HMGCLL1: variants seen among roughly 807,000 people sequenced by gnomAD.
HMGCLL1 encodes 3-hydroxy-3-methylglutaryl-CoA lyase like 1.
In HMGCLL1, 36 loss-of-function variants were observed where a neutral mutation model predicts 39.1. That is an observed-to-expected ratio of 0.92 (90% CI 0.71 to 1.22). The LOEUF (loss-of-function observed/expected upper bound fraction) is 1.22. Among genes scored for constraint, HMGCLL1 ranks in the 50% most tolerant of loss-of-function variants. The probability of loss-of-function intolerance (pLI) is 0.00; values close to 1 mark genes in which losing one functional copy is unlikely to be tolerated. For missense variants in HMGCLL1, 451 were observed against 416.5 expected (o/e 1.08, Z -0.72); for synonymous variants, 149 against 144.0 (o/e 1.03, Z -0.25).
At chr6:55,565,936 C>T (rs1771190139) in intron 1 of HMGCLL1, among the ~76,000 whole-genome samples, 1 of 151,986 alleles carries the variant, frequency 6.6e-6, no homozygotes, top group Admixed American at 6.6e-5. Context: ...TTGACCAGGT[C>T]CACAGTTTTC....
intron 3 of HMGCLL1, among the ~76,000 whole-genome samples, chr6:55,528,042 T>C (rs1768416051): frequency 6.6e-6 from 1 of 152,056 alleles, no homozygotes; most frequent in Non-Finnish European, 1.5e-5. Context: ...TTTTCACTAA[T>C]ATAGATTGCT....
intron 7 of HMGCLL1, among the ~76,000 whole-genome samples, chr6:55,481,166 A>G (rs532144420): frequency 2.4e-4 from 36 of 152,182 alleles, no homozygotes; most frequent in Admixed American, 2.1e-3. Context: ...GGATTGCTTG[A>G]GCCCAGAAAT....
the HMGCLL1 span, among the ~76,000 whole-genome samples, chr6:55,640,637 TGC>T: frequency 1.3e-5 from 2 of 151,912 alleles, no homozygotes; most frequent in Non-Finnish European, 2.9e-5. Context: ...GCCCTTCAAA[TGC>T]ATTAGTGATA....
chr6:55,453,098 A>C (rs1159893235), intron 7 of HMGCLL1, among the ~76,000 whole-genome samples: 2 of 152,162 alleles, frequency 1.3e-5, no homozygotes, highest in African/African-American at 2.4e-5. Context: ...TACAGAGAAG[A>C]AGCAATGTGG....
At chr6:55,444,030 C>A (rs572615535) in intron 7 of HMGCLL1, among the ~76,000 whole-genome samples, 1 of 152,200 alleles carries the variant, frequency 6.6e-6, no homozygotes, top group East Asian at 1.9e-4. Flanking sequence ...TAATAAATTT[C>A]TTGAACTGAG....
the HMGCLL1 span, among the ~76,000 whole-genome samples, chr6:55,635,566 T>A: frequency 6.6e-6 from 1 of 152,198 alleles, no homozygotes; most frequent in African/African-American, 2.4e-5. Context: ...ATACTGTCTG[T>A]CCAAGGTGCA....
intron 5 of HMGCLL1, among the ~76,000 whole-genome samples, chr6:55,511,521 C>T (rs1767456729): frequency 1.7e-5 from 1 of 59,124 alleles, no homozygotes; most frequent in African/African-American, 6.6e-5. Context: ...TTTTAGTGTG[C>T]TTTTATAAAA....
chr6:55,543,516 A>T (rs1222531772), intron 1 of HMGCLL1, among the ~76,000 whole-genome samples: 10 of 118,778 alleles, frequency 8.4e-5, no homozygotes, highest in African/African-American at 2.7e-4. Flanking sequence ...CATATATAAT[A>T]TATATATTTT....
Position 55,439,542 on chromosome 6 carries a change from C to T in HMGCLL1, c.813G>A (p.Val271=), listed in dbSNP as rs746998535. 7 of 1,612,536 alleles carry T rather than the reference C, an allele frequency of 4.3e-6. 1 individual carries two copies. The highest frequency in any genetic ancestry group is 3.3e-5 in the South Asian group (3 of 90,934). Residue 271 remains valine, a synonymous_variant, in exon 8 of 9, where the codon GTG becomes GTA. Transcript: ENST00000274901. ...LTALQMGINV[V]DSAVSGLGGC... ...CACCTAATCCGGATACTGCGGAGTCCACCACATTAATTCCCATCTGGAAAA... is the reference window on the plus strand; with the variant it reads ...CACCTAATCCGGATACTGCGGAGTCTACCACATTAATTCCCATCTGGAAAA...
the HMGCLL1 span, among the ~76,000 whole-genome samples, chr6:55,612,418 T>G: frequency 1.3e-5 from 2 of 152,060 alleles, no homozygotes; most frequent in Non-Finnish European, 2.9e-5. Context: ...AACTGCCATT[T>G]ACATTCTTCA....
rs777085117 is a variant in HMGCLL1, at chr6:55,435,752, T to C, written c.933A>G (p.Leu311=). 2 of 1,586,294 alleles carry C rather than the reference T, an allele frequency of 1.3e-6. No homozygotes were observed. The highest frequency in any genetic ancestry group is 1.4e-5 in the African/African-American group (1 of 73,932). The change falls in exon 9 of 9, where the codon CTA becomes CTG. Residue 311 remains leucine (L), a synonymous_variant. Transcript: ENST00000274901. The stretch of plus-strand genomic sequence containing the variant: ...AGTCACCAGCTTCCATCACTTTGTA[T>C]AGATTCACACCCTGGTGACGAAATG... ...NGLGLNTGVN[L]YKVMEAGDFI... is the part of the protein sequence containing the mutation.
chr6:55,498,059 T>G (rs577376879), intron 6 of HMGCLL1, among the ~76,000 whole-genome samples: 2 of 152,256 alleles, frequency 1.3e-5, no homozygotes, highest in South Asian at 4.1e-4. Flanking sequence ...TTATTCCTGT[T>G]ACATGACTCT....
chr6:55,503,361 T>A (rs1561922120), intron 5 of HMGCLL1, among the ~76,000 whole-genome samples: 1 of 151,806 alleles, frequency 6.6e-6, no homozygotes, highest in Non-Finnish European at 1.5e-5. Flanking sequence ...TTTTTTCCCA[T>A]GTAGATATTA....
the HMGCLL1 span, among the ~76,000 whole-genome samples, chr6:55,656,570 G>C: frequency 6.6e-6 from 1 of 151,918 alleles, no homozygotes; most frequent in Admixed American, 6.6e-5. Context: ...AGATCCAGGA[G>C]ACCCAGTGGA....
At chr6:55,464,490 T>C (rs752921423) in intron 7 of HMGCLL1, among the ~76,000 whole-genome samples, 2 of 152,158 alleles carry the variant, frequency 1.3e-5, no homozygotes, top group Non-Finnish European at 2.9e-5. Context: ...TACCAAGTTC[T>C]CCAAAACACA....
chr6:55,644,806 T>C, the HMGCLL1 span, among the ~76,000 whole-genome samples: 2 of 152,072 alleles, frequency 1.3e-5, no homozygotes, highest in East Asian at 1.9e-4. Flanking sequence ...TATAACTCTG[T>C]AGTATTAGTT....
chr6:55,597,359 G>T, the HMGCLL1 span, among the ~76,000 whole-genome samples: 2 of 151,974 alleles, frequency 1.3e-5, no homozygotes, highest in Non-Finnish European at 2.9e-5. Flanking sequence ...AAGAAAAAGG[G>T]TTAGATGTGA....
the HMGCLL1 span, among the ~76,000 whole-genome samples, chr6:55,588,048 G>C: frequency 6.6e-6 from 1 of 152,102 alleles, no homozygotes; most frequent in Non-Finnish European, 1.5e-5. Flanking sequence ...TCTGCATCAA[G>C]TGGACCTAAT....
intron 3 of HMGCLL1, among the ~76,000 whole-genome samples, chr6:55,527,710 T>C (rs537680113): frequency 6.6e-6 from 1 of 152,166 alleles, no homozygotes; most frequent in South Asian, 2.1e-4. Context: ...ATATCATATA[T>C]TGAAGTTCTA....
Sources: gnomAD v4.1 joint callset for allele counts (sites outside exome capture counted in the v4.1 genomes callset) on GRCh38, gnomAD v4.1.1 for gene constraint, MANE v1.5 for transcripts, NCBI Gene and HGNC (gene_info 2026-07-23, HGNC 2026-07-21) for gene names.